Variants in TRIP12 observed in about 807,000 individuals in gnomAD.
TRIP12 encodes the protein E3 ubiquitin-protein ligase TRIP12.
Under a neutral mutation model 244.2 loss-of-function variants are expected in TRIP12, and 25 were observed. The observed-to-expected ratio is 0.10, with a 90% CI of 0.07 to 0.14. The LOEUF is 0.14. Ranked by LOEUF, TRIP12 falls within the 10% of genes least tolerant of loss-of-function variation. The pLI, the probability that TRIP12 is intolerant of heterozygous loss-of-function variation, is 1.00. For missense variants in TRIP12, 1,677 were observed against 2,486.4 expected, an observed-to-expected ratio of 0.67 and a Z score of 6.92; for synonymous variants, 905 against 873.1, an observed-to-expected ratio of 1.04 and a Z score of -0.64.
chr2:229,785,925 T>C, intron 33 of TRIP12, 70 bp from the exon 34 acceptor site: 1 of 1,379,282 alleles, frequency 7.3e-7, no homozygotes, highest in East Asian at 2.4e-5. Context: ...CAGGTGGCAT[T>C]TCTTGAAATG....
At chr2:229,815,385 GAACTTC>G in intron 9 of TRIP12, 77 bp from the exon 10 acceptor site, 1 of 831,628 alleles carries the variant, frequency 1.2e-6, no homozygotes, top group Non-Finnish European at 1.9e-6. Flanking sequence ...TCTTCTATTT[GAACTTC>G]AACTGAAATG....
At chr2:229,777,179 T>C in intron 37 of TRIP12, 136 bp downstream of exon 37, 1 of 969,390 alleles carries the variant, frequency 1.0e-6, no homozygotes, top group Non-Finnish European at 1.5e-6. Flanking sequence ...ATGTCTTAGT[T>C]AGTACAATAA....
chr2:229,860,244 A>G (rs1165456068), intron 3 of TRIP12, among the ~76,000 whole-genome samples, 162 bp downstream of exon 3: 1 of 152,240 alleles, frequency 6.6e-6, no homozygotes, highest in African/African-American at 2.4e-5. Context: ...ATACTGCACT[A>G]ATCACTGCAA....
At chr2:229,900,542 C>G (rs1400828235) in intron 1 of TRIP12, among the ~76,000 whole-genome samples, 1 of 152,094 alleles carries the variant, frequency 6.6e-6, no homozygotes, top group Non-Finnish European at 1.5e-5. Context: ...CACATTACAA[C>G]ATTAATTCTA....
chr2:229,857,501 C>G (rs544440243), intron 4 of TRIP12, among the ~76,000 whole-genome samples: 1 of 152,012 alleles, frequency 6.6e-6, no homozygotes, highest in Admixed American at 6.6e-5. Context: ...TGATGGCGCA[C>G]ACTTGTAATC....
chr2:229,819,731 CCTATAT>C (rs1411566556), intron 8 of TRIP12, among the ~76,000 whole-genome samples: 3 of 152,136 alleles, frequency 2.0e-5, no homozygotes, highest in Non-Finnish European at 2.9e-5. Flanking sequence ...CTTTTCCAGT[CCTATAT>C]CATTGAGTAC....
At chr2:229,906,621 G>A (rs1461796432) in intron 1 of TRIP12, among the ~76,000 whole-genome samples, 1 of 150,942 alleles carries the variant, frequency 6.6e-6, no homozygotes, top group African/African-American at 2.4e-5. Context: ...TTGGGAGGCT[G>A]AGGCAGAAGA....
At chr2:229,830,056 A>G (rs1358403729) in intron 7 of TRIP12, among the ~76,000 whole-genome samples, 4 of 152,248 alleles carry the variant, frequency 2.6e-5, no homozygotes, top group Non-Finnish European at 5.9e-5. Flanking sequence ...TTTATAAATA[A>G]TACATTTATT....
chr2:229,860,610 A>G (rs745988937), intron 2 of TRIP12, 79 bp from the exon 3 acceptor site: 2 of 1,306,740 alleles, frequency 1.5e-6, no homozygotes, highest in East Asian at 2.8e-5. Context: ...ATATTTTTAT[A>G]TATTTCTTAA....
chr2:229,909,352 C>T (rs1282453635), intron 1 of TRIP12, among the ~76,000 whole-genome samples: 1 of 151,778 alleles, frequency 6.6e-6, no homozygotes, highest in Non-Finnish European at 1.5e-5. Context: ...TTGAGACCAG[C>T]CTGGGCAACA....
intron 6 of TRIP12, among the ~76,000 whole-genome samples, chr2:229,832,874 T>C (rs1396510676): frequency 3.3e-5 from 5 of 152,350 alleles, no homozygotes; most frequent in South Asian, 4.1e-4. Flanking sequence ...ATAACTGAAA[T>C]GGCTCTTAAA....
At chr2:229,908,761 G>T (rs1405859995) in intron 1 of TRIP12, among the ~76,000 whole-genome samples, 1 of 149,502 alleles carries the variant, frequency 6.7e-6, no homozygotes, top group Non-Finnish European at 1.5e-5. Flanking sequence ...TATGCTGCTG[G>T]ACATGGTGGC....
rs2045202251 is a variant in TRIP12 at position 229,804,061 on chromosome 2, C to T, written c.2817G>A (p.Arg939=). Residue 939 remains arginine, a synonymous_variant, in exon 19 of 42, where the codon AGG becomes AGA. Transcript: ENST00000675903. The part of the protein sequence containing the change: ...VRHKCLRAIL[R]IIYFADAELL... ...GTTCAGCATCCGCAAAATAAATTAT[C>T]CTAAGAATTGCTCTAAGGCACTTAT... 1 of 1,613,962 alleles carries T rather than the reference C, an allele frequency of 6.2e-7. No homozygotes were observed. The highest frequency in any genetic ancestry group is 1.3e-5 in the African/African-American group (1 of 74,904).
At chr2:229,919,333 T>C (rs1166502712) in intron 1 of TRIP12, among the ~76,000 whole-genome samples, 1 of 152,002 alleles carries the variant, frequency 6.6e-6, no homozygotes, top group African/African-American at 2.4e-5. Flanking sequence ...GGAGAATCGC[T>C]TGAACCAGGA....
chr2:229,799,214 A>T, intron 22 of TRIP12, 69 bp downstream of exon 22: 1 of 1,570,888 alleles, frequency 6.4e-7, no homozygotes, highest in South Asian at 1.1e-5. Context: ...GGCAGTTTTA[A>T]TAAAGTACAT....
intron 1 of TRIP12, among the ~76,000 whole-genome samples, chr2:229,888,896 C>T (rs2066652691): frequency 6.6e-6 from 1 of 152,036 alleles, no homozygotes. Flanking sequence ...CAACTCTCTT[C>T]TGGAAGTGCT....
At position 229,798,867 on chromosome 2, in the gene TRIP12, C is replaced by A; in HGVS notation, c.3482+8G>T. 6.2e-7 allele frequency: 1 copy of A among 1,611,114 alleles called. No individual in the cohort carries two copies. Among genetic ancestry groups the A allele is most frequent in the Non-Finnish European group, 8.5e-7 (1 of 1,179,186 alleles). On this transcript the variant is annotated splice_region_variant and intron_variant, in intron 23 of 41. Transcript: ENST00000675903. The stretch of plus-strand genomic sequence containing the variant: ...AATAGAAGAAACATAAAACTCCCCC[C>A]ACTTCACCTATTATTGGAGATGGTA...
At chr2:229,781,838 G>T (rs2038276915) in intron 34 of TRIP12, among the ~76,000 whole-genome samples, 1 of 152,150 alleles carries the variant, frequency 6.6e-6, no homozygotes, top group Non-Finnish European at 1.5e-5. Context: ...GTGAGGTAGG[G>T]GTGGAGGTAC....
intron 9 of TRIP12, among the ~76,000 whole-genome samples, chr2:229,817,413 T>C (rs2048766700): frequency 6.6e-6 from 1 of 152,204 alleles, no homozygotes; most frequent in African/African-American, 2.4e-5. Context: ...CAATCCACTA[T>C]TTAAATGCTG....
Sources: gnomAD v4.1 joint callset for allele counts (sites outside exome capture counted in the v4.1 genomes callset) on GRCh38, gnomAD v4.1.1 for gene constraint, MANE v1.5 for transcripts, NCBI Gene and HGNC (gene_info 2026-07-23, HGNC 2026-07-21) for gene names.